ADCK1: variants seen among roughly 807,000 people sequenced by gnomAD.
The protein encoded by ADCK1 is aarF domain-containing protein kinase 1.
Under a neutral mutation model 52.3 loss-of-function variants are expected in ADCK1, and 41 were observed. The observed-to-expected ratio is 0.78, with a 90% confidence interval of 0.61 to 1.02. ADCK1 has a LOEUF of 1.02. Among genes scored for constraint, ADCK1 ranks in the 50% least tolerant of loss-of-function variants. The pLI is 0.00. For synonymous variants in ADCK1, 250 were observed against 274.6 expected, an observed-to-expected ratio of 0.91 and a Z score of 0.89; for missense variants, 658 against 679.5, an observed-to-expected ratio of 0.97 and a Z score of 0.35.
intron 7 of ADCK1, among the ~76,000 whole-genome samples, chr14:77,911,124 C>T (rs974937415): frequency 3.7e-4 from 57 of 152,212 alleles, no homozygotes; most frequent in African/African-American, 1.2e-3. Flanking sequence ...AATCTCTACT[C>T]ATTACAGCTC....
chr14:77,899,395 A>G (rs998235311), intron 6 of ADCK1, 137 bp downstream of exon 6: 3 of 1,180,374 alleles, frequency 2.5e-6, no homozygotes, highest in Non-Finnish European at 3.6e-6. Context: ...AGGATGAATG[A>G]CATCACTGGT....
rs2084404774 is a variant in ADCK1 at position 77,934,194 on chromosome 14, T to A, written c.*803T>A. On this transcript the variant is annotated 3_prime_UTR_variant, in exon 11 of 11. Coordinates refer to ENST00000238561, the MANE Select transcript of ADCK1 (RefSeq NM_020421.4). ...AGTGGACCTGAATCGAGTATTGGTG[T>A]GATCTTCTGCTTGGCTTCTTGCTCC... 1 of 151,910 alleles carries A rather than the reference T, an allele frequency of 6.6e-6. No individual in the cohort carries two copies. Among genetic ancestry groups the A allele is most frequent in the Admixed American group, 6.6e-5 (1 of 15,230 alleles). 9.4% of individuals were successfully genotyped at this position (151,910 alleles called of 1,614,324 possible).
At chr14:77,894,515 T>C (rs985758673) in intron 5 of ADCK1, among the ~76,000 whole-genome samples, 2 of 152,048 alleles carry the variant, frequency 1.3e-5, no homozygotes, top group African/African-American at 4.8e-5. Context: ...CAGGGCTGCA[T>C]AAAGAACGAA....
intron 3 of ADCK1, among the ~76,000 whole-genome samples, chr14:77,823,330 C>T (rs2081620777): frequency 6.6e-6 from 1 of 152,164 alleles, no homozygotes; most frequent in Admixed American, 6.6e-5. Context: ...TTAGAAAAGT[C>T]CTCGTCATCC....
chr14:77,831,500 G>GT (rs2081848639), intron 3 of ADCK1, among the ~76,000 whole-genome samples: 1 of 152,212 alleles, frequency 6.6e-6, no homozygotes. Flanking sequence ...AACATAGGGT[G>GT]TTTTGGGTTG....
chr14:77,864,411 G>A (rs1022047100), intron 4 of ADCK1, among the ~76,000 whole-genome samples: 1 of 152,218 alleles, frequency 6.6e-6, no homozygotes, highest in African/African-American at 2.4e-5. Flanking sequence ...GCAAGGACCA[G>A]CATGAACAAG....
At chr14:77,925,731 G>A (rs1299746422) in intron 8 of ADCK1, 33 bp from the exon 9 acceptor site, 1 of 1,610,110 alleles carries the variant, frequency 6.2e-7, no homozygotes, top group South Asian at 1.1e-5. Flanking sequence ...GGGAGACGAG[G>A]CTTAGGTCCC....
intron 6 of ADCK1, among the ~76,000 whole-genome samples, chr14:77,903,256 A>C (rs1372947735): frequency 6.6e-6 from 1 of 152,226 alleles, no homozygotes; most frequent in Non-Finnish European, 1.5e-5. Context: ...TAAACACATA[A>C]CAAGGGGGAA....
intron 6 of ADCK1, among the ~76,000 whole-genome samples, chr14:77,907,067 C>A (rs564162958): frequency 6.6e-6 from 1 of 152,246 alleles, no homozygotes; most frequent in South Asian, 2.1e-4. Flanking sequence ...GCACGCACCA[C>A]TATGCCTGGC....
intron 9 of ADCK1, among the ~76,000 whole-genome samples, chr14:77,929,951 C>G (rs954883150): frequency 6.6e-5 from 10 of 152,170 alleles, no homozygotes; most frequent in African/African-American, 2.4e-4. Flanking sequence ...AGGTGTGAGC[C>G]TGGGTTCTTT....
At chr14:77,837,437 T>G (rs1378290161) in intron 3 of ADCK1, among the ~76,000 whole-genome samples, 3 of 152,214 alleles carry the variant, frequency 2.0e-5, no homozygotes, top group Admixed American at 2.0e-4. Flanking sequence ...CATGCCCAGC[T>G]TCATCTTAAA....
Position 77,913,316 on chromosome 14 carries a change from CA to C in ADCK1, c.858+5398del, listed in dbSNP as rs2083838342. Reference sequence around the variant, plus strand: ...CCTTGCCAGAAGTGCCATCTGCGCTCACCCTGCTGATCTGCACCTCCAGGCC... The same window carrying C: ...CCTTGCCAGAAGTGCCATCTGCGCTCCCCTGCTGATCTGCACCTCCAGGCC... On this transcript the variant is annotated intron_variant, in intron 7 of 10. Transcript: ENST00000238561. Among the ~76,000 whole-genome samples, 6 of 152,344 alleles carry C rather than the reference CA, an allele frequency of 3.9e-5. No individual in the cohort carries two copies. In the South Asian group the frequency reaches 1.2e-3, roughly 32 times the overall value.
intron 7 of ADCK1, among the ~76,000 whole-genome samples, chr14:77,922,465 G>C (rs1189876795): frequency 6.6e-6 from 1 of 152,212 alleles, no homozygotes; most frequent in Non-Finnish European, 1.5e-5. Context: ...CCTTCCAGGG[G>C]TGTTATGAGG....
chr14:77,858,566 C>T (rs892832463), intron 3 of ADCK1, among the ~76,000 whole-genome samples: 4 of 152,072 alleles, frequency 2.6e-5, no homozygotes, highest in Non-Finnish European at 4.4e-5. Context: ...AACAAAACGA[C>T]GGAGTTTATC....
chr14:77,817,973 T>C (rs1049389512), intron 1 of ADCK1, among the ~76,000 whole-genome samples: 13 of 151,858 alleles, frequency 8.6e-5, no homozygotes, highest in Non-Finnish European at 1.3e-4. Context: ...CTCCTGACCT[T>C]GTGATCTGCC....
intron 7 of ADCK1, 117 bp downstream of exon 7, chr14:77,908,036 G>A: frequency 1.3e-6 from 1 of 764,706 alleles, no homozygotes; most frequent in Admixed American, 2.4e-5. Flanking sequence ...GTCTTTAATA[G>A]GGCCCATTGT....
At chr14:77,933,135 C>T (rs1224580400) in intron 10 of ADCK1, 85 bp from the exon 11 acceptor site, 7 of 1,451,692 alleles carry the variant, frequency 4.8e-6, no homozygotes, top group African/African-American at 1.4e-5. Context: ...GCCAAAGCCA[C>T]CATCTTTAGT....
chr14:77,898,863 G>A (rs1217252049), intron 5 of ADCK1, among the ~76,000 whole-genome samples: 1 of 152,252 alleles, frequency 6.6e-6, no homozygotes, highest in African/African-American at 2.4e-5. Flanking sequence ...CCCTCAGCAA[G>A]TGGTAGTCAT....
intron 9 of ADCK1, 114 bp from the exon 10 acceptor site, chr14:77,931,404 C>T (rs920713189): frequency 1.1e-5 from 12 of 1,096,604 alleles, no homozygotes; most frequent in African/African-American, 9.5e-5. Context: ...GTGCCTGAAG[C>T]TCCCTCCTGG....
Sources: allele counts gnomAD v4.1 joint callset (sites outside exome capture counted in the v4.1 genomes callset), GRCh38; gene constraint gnomAD v4.1.1; transcripts MANE v1.5; gene names NCBI Gene and HGNC (gene_info 2026-07-23, HGNC 2026-07-21).